PI4KA: variants seen among roughly 807,000 people sequenced by gnomAD.
PI4KA encodes phosphatidylinositol 4-kinase alpha, also known as PI4-kinase alpha.
In PI4KA, 122 loss-of-function variants were observed where a neutral mutation model predicts 271.4. That is an observed-to-expected ratio of 0.45 (90% CI 0.39 to 0.52). PI4KA has a LOEUF of 0.52. Among genes scored for constraint, PI4KA ranks in the 20% least tolerant of loss-of-function variants. The pLI, the probability that PI4KA is intolerant of heterozygous loss-of-function variation, is 0.00. For missense variants in PI4KA, 1,969 were observed against 2,769.1 expected (o/e 0.71, Z 6.48); for synonymous variants, 1,041 against 1,078.8 (o/e 0.96, Z 0.69).
chr22:20,832,486 C>T (rs1924312778), intron 3 of PI4KA, among the ~76,000 whole-genome samples: 2 of 152,040 alleles, frequency 1.3e-5, no homozygotes, highest in South Asian at 4.1e-4. Flanking sequence ...CGGAGTCTCA[C>T]TCTGTTACCC....
intron 29 of PI4KA, among the ~76,000 whole-genome samples, chr22:20,745,691 T>C (rs145265318): frequency 2.0e-5 from 3 of 152,192 alleles, no homozygotes; most frequent in Non-Finnish European, 2.9e-5. Flanking sequence ...GAGTTAGAGC[T>C]TGGCTCTGAT....
At position 20,753,130 on chromosome 22, in the gene PI4KA, G is replaced by A. The variant is rs1930889604; in HGVS notation, c.2842C>T (p.Leu948=). 1 of 1,613,814 alleles carries A rather than the reference G, an allele frequency of 6.2e-7. No homozygotes were observed. The highest frequency in any genetic ancestry group is 1.1e-5 in the South Asian group (1 of 91,078). The part of the protein sequence containing the change: ...AVADKVFDAF[L]NMMADKAKTK... ...CTTACTTTATCCGCCATCATGTTCA[G>A]GAAGGCATCGAATACTTTGTCCGCG... The change falls in exon 24 of 55, where the codon CTG becomes TTG. Residue 948 remains leucine, a synonymous_variant. Transcript: ENST00000255882.
chr22:20,710,727 T>A lies in PI4KA; in HGVS notation c.6055A>T (p.Met2019Leu). The A allele has an allele frequency of 6.2e-7, 1 of 1,613,970 alleles. No homozygotes were observed. The highest frequency in any genetic ancestry group is 8.5e-7 in the Non-Finnish European group (1 of 1,179,882). ...EATPFKWFME[M>L]CVRGYLAVRP... ...ACAGCCAGGTAGCCTCGGACACACA[T>A]CTCCATGAACCACTTGAAGGGTGTG... The change falls in exon 52 of 55, where the codon ATG (methionine) becomes TTG (leucine). Residue 2019 changes from methionine (M) to leucine (L), a missense_variant. Physicochemically the swap from Met to Leu is conservative, Grantham distance 15 (BLOSUM62 2). Transcript: ENST00000255882.
intron 20 of PI4KA, 72 bp from the exon 21 acceptor site, chr22:20,765,308 T>C: frequency 2.1e-6 from 3 of 1,438,432 alleles, no homozygotes; most frequent in Non-Finnish European, 2.8e-6. Context: ...GACTGACAAT[T>C]TCTATAGTCA....
chr22:20,815,206 C>T (rs565512778), intron 7 of PI4KA, among the ~76,000 whole-genome samples: 6 of 151,740 alleles, frequency 4.0e-5, no homozygotes, highest in South Asian at 2.1e-4. Context: ...CATGGTGAAA[C>T]GCTGTCCCTA....
In PI4KA at chr22:20,742,341, G is replaced by A. The variant is rs1210526998; in HGVS notation, c.3628C>T (p.Leu1210Phe). 6.2e-7 allele frequency: 1 copy of A among 1,613,962 alleles called. No homozygotes were observed. Among genetic ancestry groups the A allele is most frequent in the East Asian group, 2.2e-5 (1 of 44,896 alleles). ...GGACCCCAGCACAGATGATGAAGGA[G>A]CTGCGGGTCACAATCTGGAACCAAA... Reference protein sequence around the residue: ...LISSKDCDPQLLHHLCWGPLR... With the variant: ...LISSKDCDPQFLHHLCWGPLR... The change falls in exon 32 of 55, where the codon CTC becomes TTC. Residue 1210 changes from leucine (L) to phenylalanine (F), a missense_variant. Leu to Phe is a conservative substitution (Grantham distance 22). Coordinates refer to ENST00000255882, the MANE Select transcript of PI4KA (RefSeq NM_058004.4).
At chr22:20,801,198 T>C (rs1041210954) in intron 14 of PI4KA, among the ~76,000 whole-genome samples, 4 of 151,686 alleles carry the variant, frequency 2.6e-5, no homozygotes, top group Non-Finnish European at 5.9e-5. Flanking sequence ...CCTCTTATTA[T>C]GTTTATGATC....
At chr22:20,840,498 A>C (rs1167336355) in intron 1 of PI4KA, among the ~76,000 whole-genome samples, 1 of 152,184 alleles carries the variant, frequency 6.6e-6, no homozygotes, top group Non-Finnish European at 1.5e-5. Flanking sequence ...ATACACAGAA[A>C]ATGGATTTTG....
At chr22:20,779,192 G>C (rs774531217) in intron 19 of PI4KA, 1 of 1,588,758 alleles carries the variant, frequency 6.3e-7, no homozygotes, top group African/African-American at 1.3e-5. Flanking sequence ...AATGCTGTGA[G>C]GGCCTCTTCC....
chr22:20,809,039 C>A (rs165811), intron 9 of PI4KA, among the ~76,000 whole-genome samples: 1 of 151,982 alleles, frequency 6.6e-6, no homozygotes, highest in South Asian at 2.1e-4. Flanking sequence ...ACAGGAAGAG[C>A]TGTGGTTGAC....
intron 1 of PI4KA, among the ~76,000 whole-genome samples, chr22:20,848,580 G>A (rs1926569261): frequency 6.6e-6 from 1 of 151,960 alleles, no homozygotes; most frequent in Non-Finnish European, 1.5e-5. Context: ...ACCCCTCAAT[G>A]GAAAAAAGAA....
rs543692373 is a variant in PI4KA at position 20,753,400 on chromosome 22, C to T, written c.2792-220G>A. Among the ~76,000 whole-genome samples the T allele has an allele frequency of 1.7e-3, 258 of 152,276 alleles. 2 individuals are homozygous for T. Among genetic ancestry groups the T allele is most frequent in the African/African-American group, 6.0e-3 (248 of 41,548 alleles). On this transcript the variant is annotated intron_variant, in intron 23 of 54. Transcript: ENST00000255882. Reference sequence around the variant, plus strand: ...TCAGATATTGATATAATCCTATTACCTAAACTTCAGACTTCGTCTGGATTT... The same window carrying T: ...TCAGATATTGATATAATCCTATTACTTAAACTTCAGACTTCGTCTGGATTT...
At chr22:20,787,022 T>A (rs772204873) in intron 19 of PI4KA, 1 of 1,614,228 alleles carries the variant, frequency 6.2e-7, no homozygotes, top group Non-Finnish European at 8.5e-7. Flanking sequence ...TCGCACCAGC[T>A]GCCTGCTCTT....
chr22:20,851,254 A>G (rs1380257211), intron 1 of PI4KA, among the ~76,000 whole-genome samples: 1 of 152,080 alleles, frequency 6.6e-6, no homozygotes, highest in Non-Finnish European at 1.5e-5. Flanking sequence ...CAGTGCCTGC[A>G]ACACAGCAAA....
At chr22:20,836,514 C>T (rs1924889685) in intron 2 of PI4KA, among the ~76,000 whole-genome samples, 1 of 152,164 alleles carries the variant, frequency 6.6e-6, no homozygotes, top group South Asian at 2.1e-4. Flanking sequence ...GTGGCTCTTT[C>T]CTATATAAAC....
chr22:20,759,406 T>TCTTTTC (rs200115985), intron 23 of PI4KA, among the ~76,000 whole-genome samples: 1 of 135,398 alleles, frequency 7.4e-6, no homozygotes, highest in African/African-American at 2.9e-5. Context: ...TCTTTTCTTT[T>TCTTTTC]TTTTTTTTTT....
chr22:20,751,284 C>T lies in PI4KA; in HGVS notation c.3153+9G>A, dbSNP rs376026228. On this transcript the variant is annotated intron_variant, in intron 27 of 54. Coordinates refer to ENST00000255882, the MANE Select transcript of PI4KA (RefSeq NM_058004.4). Reference sequence around the variant, plus strand: ...TGGCCCTTAGTGCAGGGGATCGTGTCGGGCCTACCTCACGGGCTTCGTACG... The same window carrying T: ...TGGCCCTTAGTGCAGGGGATCGTGTTGGGCCTACCTCACGGGCTTCGTACG... 214 of 1,610,392 alleles carry T rather than the reference C, an allele frequency of 1.3e-4. 1 individual carries two copies. In the South Asian group the frequency reaches 2.0e-3, roughly 15 times the overall value.
At chr22:20,724,481 A>G (rs573780695) in intron 42 of PI4KA, among the ~76,000 whole-genome samples, 2 of 142,246 alleles carry the variant, frequency 1.4e-5, no homozygotes, top group South Asian at 2.2e-4. Context: ...GGTGGCATGC[A>G]CCTTCAATCC....
In PI4KA at chr22:20,712,922, G is replaced by C. The variant is rs553544021; in HGVS notation, c.5572-125C>G. On this transcript the variant is annotated intron_variant, in intron 48 of 54. Coordinates refer to ENST00000255882, the MANE Select transcript of PI4KA (RefSeq NM_058004.4). The stretch of plus-strand genomic sequence containing the variant: ...AGTGAGGTGGGGAGACCACAGCCGA[G>C]CAAGAGTCTGGAAGGCCTTCCTTTC... 777 of 1,410,920 alleles carry C rather than the reference G, an allele frequency of 5.5e-4. 2 individuals carry two copies. In the East Asian group the frequency reaches 0.013, roughly 24 times the overall value. The allele number at this position is 1,410,920 out of a possible 1,614,324, so 87.4% of individuals were successfully genotyped here.
Sources: gnomAD v4.1 joint callset for allele counts (sites outside exome capture counted in the v4.1 genomes callset) on GRCh38, gnomAD v4.1.1 for gene constraint, MANE v1.5 for transcripts, NCBI Gene and HGNC (gene_info 2026-07-23, HGNC 2026-07-21) for gene names.